Variants in CHL1 observed in about 807,000 individuals in gnomAD.
CHL1 encodes the protein neural cell adhesion molecule L1-like protein.
A neutral mutation model predicts 141.9 loss-of-function variants in CHL1; 96 were observed. The ratio of observed to expected loss-of-function variants is 0.68; its 90% CI spans 0.57 to 0.80. The LOEUF is 0.80. Ranked by LOEUF, CHL1 falls within the 30% of genes least tolerant of loss-of-function variation. The probability of loss-of-function intolerance (pLI) is 0.00; values close to 1 mark genes in which losing one functional copy is unlikely to be tolerated. For missense variants in CHL1, 1,820 were observed against 1,457.2 expected (o/e 1.25, Z -4.05); for synonymous variants, 613 against 502.2 (o/e 1.22, Z -2.95).
At chr3:365,156 G>A (rs1704715139) in intron 14 of CHL1, among the ~76,000 whole-genome samples, 1 of 152,098 alleles carries the variant, frequency 6.6e-6, no homozygotes, top group African/African-American at 2.4e-5. Flanking sequence ...TGTGCAGTTG[G>A]TCTCTGGGAG....
At position 382,805 on chromosome 3, in the gene CHL1, A is replaced by G. The variant is rs974391678; in HGVS notation, c.2176+134A>G. On this transcript the variant is annotated intron_variant, in intron 18 of 27. Transcript: ENST00000256509. ...AAATAGTGTTAACAGTTCTCTAAAC[A>G]GCACACAAAATATTCAAAGCACACA... 2.4e-5 allele frequency: 18 copies of G among 749,878 alleles called. No homozygotes were observed. The African/African-American group carries it at 2.8e-4, about 12-fold the overall frequency. The allele number at this position is 749,878 out of a possible 1,614,324, so 46.5% of individuals were successfully genotyped here. A position where few individuals can be genotyped will look rare whatever the true frequency, so the allele number is the denominator to read the frequency against.
chr3:266,481 A>C (rs1695163635), intron 2 of CHL1, among the ~76,000 whole-genome samples: 1 of 152,144 alleles, frequency 6.6e-6, no homozygotes. Context: ...GGAATTAATA[A>C]AAATTATGAG....
At chr3:219,273 CAA>C (rs1700613870) in intron 1 of CHL1, among the ~76,000 whole-genome samples, 1 of 152,106 alleles carries the variant, frequency 6.6e-6, no homozygotes, top group African/African-American at 2.4e-5. Flanking sequence ...GGTGACTCCT[CAA>C]AGACCTGAAG....
chr3:405,386 C>T (rs11705894), intron 27 of CHL1, 109 bp from the exon 28 acceptor site: 715,243 of 741,618 alleles, frequency 0.96, 347,982 homozygotes, highest in East Asian at 1. Flanking sequence ...TCAATGCTAA[C>T]ACAAATGTCC....
chr3:266,308 A>G (rs1695144320), intron 2 of CHL1, among the ~76,000 whole-genome samples: 1 of 152,148 alleles, frequency 6.6e-6, no homozygotes, highest in South Asian at 2.1e-4. Context: ...GTGATGCACC[A>G]GCGAGCGACA....
intron 2 of CHL1, among the ~76,000 whole-genome samples, chr3:259,273 C>G (rs1267169520): frequency 6.6e-6 from 1 of 151,466 alleles, no homozygotes; most frequent in Non-Finnish European, 1.5e-5. Flanking sequence ...TGTGTGCACA[C>G]GTGCGTGTGT....
Position 225,240 on chromosome 3 carries a change from C to G in CHL1, c.-174-19373C>G, listed in dbSNP as rs74316541. On this transcript the variant is annotated intron_variant, in intron 1 of 27. Transcript: ENST00000256509. ...ATTATTGCCCACTGAGTATGTAACA[C>G]GTTTTCTGTTATGTTTAGAAATAAT... Among the ~76,000 whole-genome samples, 594 of 152,228 alleles carry G rather than the reference C, an allele frequency of 3.9e-3. 2 individuals are homozygous for G. The highest frequency in any genetic ancestry group is 0.012 in the African/African-American group (504 of 41,514).
intron 2 of CHL1, among the ~76,000 whole-genome samples, chr3:295,534 A>G (rs1231251341): frequency 2.0e-5 from 3 of 152,192 alleles, no homozygotes; most frequent in Non-Finnish European, 4.4e-5. Context: ...CAAAATGATA[A>G]AATGTTTCGT....
At chr3:380,735 A>G (rs1706928840) in intron 16 of CHL1, among the ~76,000 whole-genome samples, 1 of 152,222 alleles carries the variant, frequency 6.6e-6, no homozygotes, top group Non-Finnish European at 1.5e-5. Context: ...TAAAAATCCA[A>G]CACAGTTGCA....
At chr3:374,737 G>T (rs964985463) in intron 15 of CHL1, among the ~76,000 whole-genome samples, 3 of 152,184 alleles carry the variant, frequency 2.0e-5, no homozygotes, top group South Asian at 4.1e-4. Context: ...GGCTGGCCTT[G>T]ACTGCTGCCA....
intron 2 of CHL1, among the ~76,000 whole-genome samples, chr3:262,729 C>T (rs1193515147): frequency 6.6e-6 from 1 of 152,156 alleles, no homozygotes; most frequent in Non-Finnish European, 1.5e-5. Context: ...TGCTGTGTGC[C>T]AAAGCAGAAC....
At chr3:353,067 T>C (rs1703398456) in intron 10 of CHL1, among the ~76,000 whole-genome samples, 1 of 152,022 alleles carries the variant, frequency 6.6e-6, no homozygotes, top group African/African-American at 2.4e-5. Flanking sequence ...CTCAGCCCTC[T>C]GTCTGTAAGA....
intron 5 of CHL1, among the ~76,000 whole-genome samples, chr3:337,368 TA>T (rs1701971088): frequency 2.7e-4 from 10 of 37,478 alleles, no homozygotes; most frequent in African/African-American, 1.0e-3. Flanking sequence ...TTTTTTTATA[TA>T]TATTTTTTAA....
At chr3:378,640 T>C (rs1396807376) in intron 16 of CHL1, among the ~76,000 whole-genome samples, 1 of 152,190 alleles carries the variant, frequency 6.6e-6, no homozygotes, top group African/African-American at 2.4e-5. Flanking sequence ...AGCAAACCAC[T>C]TTCCTTCCAG....
At chr3:299,482 G>A (rs954125587) in intron 2 of CHL1, among the ~76,000 whole-genome samples, 1 of 152,098 alleles carries the variant, frequency 6.6e-6, no homozygotes, top group Non-Finnish European at 1.5e-5. Context: ...TGATATATTA[G>A]GCCAACAGGA....
chr3:326,891 TCATTAGTGACC>T (rs1211437241), intron 4 of CHL1, among the ~76,000 whole-genome samples: 1 of 151,958 alleles, frequency 6.6e-6, no homozygotes, highest in Non-Finnish European at 1.5e-5. Context: ...TATTTAATAA[TCATTAGTGACC>T]CATTAACATG....
At chr3:315,482 A>G (rs1004433279) in intron 2 of CHL1, among the ~76,000 whole-genome samples, 1 of 152,166 alleles carries the variant, frequency 6.6e-6, no homozygotes, top group Non-Finnish European at 1.5e-5. Flanking sequence ...AAATTAAGGG[A>G]GCAAGTTGTT....
intron 2 of CHL1, among the ~76,000 whole-genome samples, chr3:255,333 G>A (rs935777626): frequency 2.0e-5 from 3 of 152,286 alleles, no homozygotes; most frequent in African/African-American, 7.2e-5. Context: ...AGACTTCCTA[G>A]AGTTTCATGT....
intron 9 of CHL1, among the ~76,000 whole-genome samples, chr3:348,168 G>A (rs1324227937): frequency 6.6e-6 from 1 of 152,106 alleles, no homozygotes; most frequent in Non-Finnish European, 1.5e-5. Context: ...AGAACACACT[G>A]ATAAAAAAGG....
Sources: allele counts gnomAD v4.1 joint callset (sites outside exome capture counted in the v4.1 genomes callset), GRCh38; gene constraint gnomAD v4.1.1; transcripts MANE v1.5; gene names NCBI Gene and HGNC (gene_info 2026-07-23, HGNC 2026-07-21).